Variants in MAP2 observed in about 807,000 individuals in gnomAD.
MAP2 encodes the protein microtubule associated protein 2, also known as microtubule-associated protein 2.
Under a neutral mutation model 137.6 loss-of-function variants are expected in MAP2, and 14 were observed. The observed-to-expected ratio is 0.10, with a 90% CI of 0.07 to 0.16. The LOEUF is 0.16. Among genes scored for constraint, MAP2 ranks in the 10% least tolerant of loss-of-function variants. The pLI is 1.00. For missense variants in MAP2, 2,088 were observed against 2,191.5 expected (o/e 0.95, Z 0.94); for synonymous variants, 786 against 782.3 (o/e 1.00, Z -0.08).
In MAP2 at chr2:209,471,658, A is replaced by G. The variant is rs182677790; in HGVS notation, c.-221-35934A>G. ...CCCAACCCCCCACCCCCGGCACTTA[A>G]TAAAAGAATAAAGAGGAAGGAACGT... On this transcript the variant is annotated intron_variant, in intron 1 of 15. Transcript: ENST00000682079. Among the ~76,000 whole-genome samples the G allele has an allele frequency of 6.4e-4, 95 of 149,182 alleles. 1 individual carries two copies. Among genetic ancestry groups the G allele is most frequent in the African/African-American group, 2.2e-3 (89 of 40,460 alleles).
chr2:209,624,886 A>G (rs905688129), intron 3 of MAP2, among the ~76,000 whole-genome samples, 167 bp from the exon 4 acceptor site: 1 of 152,180 alleles, frequency 6.6e-6, no homozygotes, highest in African/African-American at 2.4e-5. Context: ...AGCCAGTGAT[A>G]AATGCTCAGT....
At chr2:209,632,225 G>C (rs1276072033) in intron 4 of MAP2, among the ~76,000 whole-genome samples, 1 of 152,134 alleles carries the variant, frequency 6.6e-6, no homozygotes, top group Non-Finnish European at 1.5e-5. Context: ...TAACAGTCAG[G>C]ACTGGAATTA....
intron 4 of MAP2, among the ~76,000 whole-genome samples, chr2:209,647,929 C>T (rs2094514849): frequency 6.6e-6 from 1 of 152,014 alleles, no homozygotes; most frequent in African/African-American, 2.4e-5. Flanking sequence ...TCAAAGCTCA[C>T]CACTCAGATT....
intron 4 of MAP2, among the ~76,000 whole-genome samples, chr2:209,637,259 A>G (rs1376338503): frequency 1.3e-5 from 2 of 152,090 alleles, no homozygotes; most frequent in African/African-American, 4.8e-5. Context: ...CCTAGCCAAT[A>G]TGGTGAAACC....
At chr2:209,570,750 C>T (rs2074262154) in intron 2 of MAP2, among the ~76,000 whole-genome samples, 1 of 151,686 alleles carries the variant, frequency 6.6e-6, no homozygotes, top group African/African-American at 2.4e-5. Context: ...TTTAAATGAA[C>T]CTAAAAGGAA....
chr2:209,678,930 T>G (rs2053223843), intron 6 of MAP2, among the ~76,000 whole-genome samples: 1 of 152,084 alleles, frequency 6.6e-6, no homozygotes, highest in Admixed American at 6.6e-5. Flanking sequence ...AAGTGGCCCT[T>G]AATTTTTTCA....
At chr2:209,526,944 A>G (rs2064156428) in intron 2 of MAP2, among the ~76,000 whole-genome samples, 1 of 152,128 alleles carries the variant, frequency 6.6e-6, no homozygotes, top group South Asian at 2.1e-4. Flanking sequence ...AAACCAACAA[A>G]TACTTTTTCT....
At chr2:209,525,588 A>G (rs2063910503) in intron 2 of MAP2, among the ~76,000 whole-genome samples, 1 of 152,172 alleles carries the variant, frequency 6.6e-6, no homozygotes, top group Non-Finnish European at 1.5e-5. Context: ...AGAAAGGAAG[A>G]TAATTCTGCC....
intron 11 of MAP2, chr2:209,704,392 C>T: frequency 6.8e-7 from 1 of 1,464,810 alleles, no homozygotes. Flanking sequence ...TTTTTATCTT[C>T]CTTTTACTTT....
intron 3 of MAP2, among the ~76,000 whole-genome samples, chr2:209,620,321 A>G (rs1385068378): frequency 6.6e-6 from 1 of 152,200 alleles, no homozygotes; most frequent in African/African-American, 2.4e-5. Flanking sequence ...GGGTTTAGAG[A>G]TGAAAGGAGA....
intron 1 of MAP2, among the ~76,000 whole-genome samples, chr2:209,452,581 G>A (rs1008665272): frequency 8.6e-5 from 13 of 152,022 alleles, no homozygotes; most frequent in Non-Finnish European, 1.6e-4. Context: ...TGCATCTTTC[G>A]AATGAAACTT....
At chr2:209,638,815 G>A (rs1159699513) in intron 4 of MAP2, among the ~76,000 whole-genome samples, 2 of 152,052 alleles carry the variant, frequency 1.3e-5, no homozygotes, top group Non-Finnish European at 2.9e-5. Flanking sequence ...TATGGTCAGA[G>A]TCTATATCTT....
chr2:209,595,359 T>G (rs540159021), intron 3 of MAP2, among the ~76,000 whole-genome samples: 4 of 152,306 alleles, frequency 2.6e-5, no homozygotes, highest in African/African-American at 9.6e-5. Flanking sequence ...TAATTGAAAG[T>G]TTCTGCTTTC....
intron 4 of MAP2, among the ~76,000 whole-genome samples, chr2:209,641,007 T>TAA (rs2093983469): frequency 6.6e-6 from 1 of 151,988 alleles, no homozygotes; most frequent in East Asian, 1.9e-4. Context: ...TTTACCTGGA[T>TAA]CATGGCCCTG....
At chr2:209,526,395 G>T (rs1018809272) in intron 2 of MAP2, among the ~76,000 whole-genome samples, 1 of 151,752 alleles carries the variant, frequency 6.6e-6, no homozygotes, top group Admixed American at 6.6e-5. Context: ...CCAATTTAAA[G>T]AATATAAAAT....
intron 2 of MAP2, among the ~76,000 whole-genome samples, chr2:209,550,051 A>G (rs191774768): frequency 1.7e-3 from 258 of 152,368 alleles, no homozygotes; most frequent in African/African-American, 6.1e-3. Flanking sequence ...CATTTTTAAT[A>G]GTTTAGAGAA....
chr2:209,508,224 A>C lies in MAP2; in HGVS notation c.-172+583A>C, dbSNP rs16842990. On this transcript the variant is annotated intron_variant, in intron 2 of 15. Transcript: ENST00000682079. The stretch of plus-strand genomic sequence containing the variant: ...AGAACCTCAGAAGGCCCTCACAGCA[A>C]TAAACTTGGGATTTTATTTATGCCT... Among the ~76,000 whole-genome samples, 1,028 of 151,988 alleles carry C rather than the reference A, an allele frequency of 6.8e-3. 9 individuals are homozygous for C. Among genetic ancestry groups the C allele is most frequent in the African/African-American group, 0.023 (968 of 41,488 alleles).
intron 2 of MAP2, among the ~76,000 whole-genome samples, chr2:209,508,584 CCA>C (rs56195417): frequency 3.0e-3 from 437 of 145,978 alleles, no homozygotes; most frequent in South Asian, 8.1e-3. Context: ...TCTCTCTGTC[CCA>C]CACACACACA....
intron 3 of MAP2, among the ~76,000 whole-genome samples, chr2:209,609,124 C>A (rs1387108084): frequency 6.6e-6 from 1 of 151,648 alleles, no homozygotes; most frequent in Non-Finnish European, 1.5e-5. Flanking sequence ...TAAATAAGAT[C>A]TAAGTAGATG....
Sources: allele counts gnomAD v4.1 joint callset (sites outside exome capture counted in the v4.1 genomes callset), GRCh38; gene constraint gnomAD v4.1.1; transcripts MANE v1.5; gene names NCBI Gene and HGNC (gene_info 2026-07-23, HGNC 2026-07-21).